The following PCCA variants were observed in gnomAD, a reference collection of about 807,000 sequenced individuals.
PCCA encodes the protein propionyl-CoA carboxylase alpha chain, mitochondrial.
A neutral mutation model predicts 101.3 loss-of-function variants in PCCA; 74 were observed. The observed-to-expected ratio is 0.73, with a 90% confidence interval of 0.61 to 0.89. PCCA has a LOEUF of 0.89. Ranked by LOEUF, PCCA falls within the 40% of genes least tolerant of loss-of-function variation. The pLI is 0.00. For missense variants in PCCA, 891 were observed against 907.0 expected, an observed-to-expected ratio of 0.98 and a Z score of 0.23; for synonymous variants, 294 against 313.6, an observed-to-expected ratio of 0.94 and a Z score of 0.66.
chr13:100,519,817 G>A (rs1300925728), intron 22 of PCCA, among the ~76,000 whole-genome samples: 1 of 152,232 alleles, frequency 6.6e-6, no homozygotes, highest in Non-Finnish European at 1.5e-5. Flanking sequence ...GGGCCCTCCC[G>A]ACGGGTGTTT....
intron 22 of PCCA, among the ~76,000 whole-genome samples, chr13:100,516,256 T>C (rs1308469665): frequency 2.0e-5 from 3 of 152,230 alleles, no homozygotes; most frequent in African/African-American, 7.2e-5. Context: ...TACACTTAAA[T>C]ACTTGCATTT....
rs144204417 is a variant in PCCA at position 100,109,883 on chromosome 13, G to A, written c.184-1958G>A. Among the ~76,000 whole-genome samples, 441 of 152,254 alleles carry A rather than the reference G, an allele frequency of 2.9e-3. 1 individual carries two copies. Among genetic ancestry groups the A allele is most frequent in the African/African-American group, 0.01 (422 of 41,528 alleles). On this transcript the variant is annotated intron_variant, in intron 2 of 23. Coordinates refer to ENST00000376285, the MANE Select transcript of PCCA (RefSeq NM_000282.4). ...GTGGTGGCTCAGGCTTGTAATCCCA[G>A]CACTTTGGGAGGCCGAGGCAGGCGG...
At chr13:100,165,466 C>T (rs2054932967) in intron 6 of PCCA, among the ~76,000 whole-genome samples, 1 of 152,126 alleles carries the variant, frequency 6.6e-6, no homozygotes, top group Non-Finnish European at 1.5e-5. Context: ...CTGCCAGAGA[C>T]CTATTGCACA....
rs988831779 is a variant in PCCA, at chr13:100,311,182, G to A, written c.1429+1274G>A. 4.6e-5 allele frequency among the ~76,000 whole-genome samples: 7 copies of A among 151,806 alleles called. 1 individual carries two copies. The highest frequency in any genetic ancestry group is 2.6e-4 in the Admixed American group (4 of 15,248). On this transcript the variant is annotated intron_variant, in intron 16 of 23. Transcript: ENST00000376285. The stretch of plus-strand genomic sequence containing the variant: ...CGGGAGGCTTAGTTTGCAGTGAGCC[G>A]AGATCACGCCACTGCATGCCAGCCT...
intron 4 of PCCA, among the ~76,000 whole-genome samples, chr13:100,123,626 A>C (rs2049652277): frequency 7.4e-6 from 1 of 135,458 alleles, no homozygotes. Flanking sequence ...TAATATAACA[A>C]CATAATGGGG....
At chr13:100,243,319 G>A (rs1020222851) in intron 8 of PCCA, among the ~76,000 whole-genome samples, 2 of 152,140 alleles carry the variant, frequency 1.3e-5, no homozygotes, top group African/African-American at 2.4e-5. Context: ...AATGAAATAT[G>A]TATATATATG....
At chr13:100,166,948 G>T (rs1332556015) in intron 6 of PCCA, among the ~76,000 whole-genome samples, 1 of 152,106 alleles carries the variant, frequency 6.6e-6, no homozygotes, top group Non-Finnish European at 1.5e-5. Flanking sequence ...ATGTCTTATT[G>T]TGGTTTTGAT....
chr13:100,288,786 T>TTTTCCCTTCTTTTC (rs1287934400), intron 12 of PCCA, among the ~76,000 whole-genome samples: 3 of 152,120 alleles, frequency 2.0e-5, no homozygotes, highest in Non-Finnish European at 4.4e-5. Context: ...TTCCTTTCCT[T>TTTTCCCTTCTTTTC]TTTCCCTTCT....
intron 22 of PCCA, among the ~76,000 whole-genome samples, chr13:100,525,652 G>C (rs185933777): frequency 6.6e-6 from 1 of 152,358 alleles, no homozygotes; most frequent in African/African-American, 2.4e-5. Context: ...CTGCCTGTCT[G>C]GCCCGCAGAT....
In PCCA at chr13:100,380,032, A is replaced by AACACACACACACACACACACACACACAC. The variant is rs140284754; in HGVS notation, c.1746+11479_1746+11480insCACACACACACACACACACACACACACA. On this transcript the variant is annotated intron_variant, in intron 19 of 23. Transcript: ENST00000376285. ...GACCCAGAATAGCCAAAGTAATCTA[A>AACACACACACACACACACACACACACAC]ACACACACACACACACACACAGACA... Among the ~76,000 whole-genome samples the AACACACACACACACACACACACACACAC allele has an allele frequency of 2.7e-5, 4 of 149,662 alleles. No homozygotes were observed. In the South Asian group the frequency reaches 8.5e-4, roughly 32 times the overall value.
At chr13:100,203,734 CTTAGT>C (rs2058682667) in intron 6 of PCCA, among the ~76,000 whole-genome samples, 1 of 152,154 alleles carries the variant, frequency 6.6e-6, no homozygotes, top group African/African-American at 2.4e-5. Context: ...TTTTATTTCA[CTTAGT>C]TTAATGTGTA....
At chr13:100,118,544 GTTCTTTC>G (rs1566508841) in intron 4 of PCCA, among the ~76,000 whole-genome samples, 2 of 151,894 alleles carry the variant, frequency 1.3e-5, no homozygotes, top group Non-Finnish European at 2.9e-5. Flanking sequence ...CATAAGTGAT[GTTCTTTC>G]TTTTTTTCTT....
chr13:100,485,121 G>C (rs1856225267), intron 21 of PCCA, among the ~76,000 whole-genome samples: 2 of 152,314 alleles, frequency 1.3e-5, no homozygotes, highest in South Asian at 2.1e-4. Flanking sequence ...CTAAACAGAG[G>C]GGGACAGGGC....
At position 100,527,747 on chromosome 13, in the gene PCCA, G is replaced by T. The variant is rs2087968295; in HGVS notation, c.2113G>T (p.Gly705Cys). The T allele has an allele frequency of 4.3e-6, 7 of 1,610,718 alleles. No homozygotes were observed. The change falls in exon 23 of 24, where the codon GGC becomes TGC. Residue 705 changes from glycine to cysteine, a missense_variant. Gly to Cys is a radical substitution (Grantham distance 159). Transcript: ENST00000376285. ...MQNSMTAGKTGTVKSVHCQAG... is the reference protein window; with the variant it reads ...MQNSMTAGKTCTVKSVHCQAG... ...GAATAGTATGACAGCTGGGAAAACT[G>T]GCACGGTGAGTCCCTAAGTCCCCAT...
At chr13:100,109,447 C>T (rs1315798759) in intron 2 of PCCA, among the ~76,000 whole-genome samples, 3 of 152,238 alleles carry the variant, frequency 2.0e-5, no homozygotes, top group African/African-American at 4.8e-5. Context: ...TTGTTGTATT[C>T]GCTGTAACAA....
Position 100,150,879 on chromosome 13 carries a change from G to A in PCCA, c.301-4100G>A, listed in dbSNP as rs377225770. ...TAAGTTGCACCCTTAGGAACTGGGC[G>A]TTTTCGGCCACCACGGCAAACACGA... On this transcript the variant is annotated intron_variant, in intron 4 of 23. Transcript: ENST00000376285. The A allele has an allele frequency of 5.1e-6, 8 of 1,563,020 alleles. No individual in the cohort carries two copies. The African/African-American group carries it at 6.8e-5, about 13-fold the overall frequency.
At chr13:100,447,903 C>T (rs1211023052) in intron 20 of PCCA, among the ~76,000 whole-genome samples, 1 of 152,210 alleles carries the variant, frequency 6.6e-6, no homozygotes, top group East Asian at 1.9e-4. Flanking sequence ...TAGAGGTTCA[C>T]TCTGGGTTCT....
chr13:100,370,562 C>T (rs982169418), intron 19 of PCCA, among the ~76,000 whole-genome samples: 1 of 152,104 alleles, frequency 6.6e-6, no homozygotes, highest in Admixed American at 6.6e-5. Context: ...AAAATATCCA[C>T]CTTAGTATAT....
At chr13:100,097,270 G>A (rs1030695488) in intron 1 of PCCA, among the ~76,000 whole-genome samples, 5 of 152,156 alleles carry the variant, frequency 3.3e-5, no homozygotes, top group Middle Eastern at 3.4e-3. Flanking sequence ...GAGTGACTGC[G>A]AATAGTTAAG....
Sources: allele counts gnomAD v4.1 joint callset (sites outside exome capture counted in the v4.1 genomes callset), GRCh38; gene constraint gnomAD v4.1.1; transcripts MANE v1.5; gene names NCBI Gene and HGNC (gene_info 2026-07-23, HGNC 2026-07-21).